Variants in RAI14 observed in about 807,000 individuals in gnomAD.
The protein encoded by RAI14 is ankycorbin.
Under a neutral mutation model 115.4 loss-of-function variants are expected in RAI14, and 45 were observed. The observed-to-expected ratio is 0.39, with a 90% CI of 0.31 to 0.50. RAI14 has a LOEUF of 0.50. Among genes scored for constraint, RAI14 ranks in the 20% least tolerant of loss-of-function variants. The pLI is 0.85. For synonymous variants in RAI14, 371 were observed against 415.4 expected (o/e 0.89, Z 1.30); for missense variants, 939 against 1,131.2 (o/e 0.83, Z 2.44).
chr5:34,700,056 G>A (rs1739852832), intron 2 of RAI14, among the ~76,000 whole-genome samples: 1 of 152,140 alleles, frequency 6.6e-6, no homozygotes, highest in Admixed American at 6.6e-5. Flanking sequence ...GAGCTGGGTG[G>A]GGCCTGGAGA....
At chr5:34,668,573 C>T (rs901029385) in intron 1 of RAI14, among the ~76,000 whole-genome samples, 4 of 152,016 alleles carry the variant, frequency 2.6e-5, no homozygotes, top group Non-Finnish European at 5.9e-5. Flanking sequence ...GCTCTCACAA[C>T]CTTCTTGGGT....
chr5:34,662,327 T>C (rs1742754686), intron 1 of RAI14, among the ~76,000 whole-genome samples: 2 of 152,342 alleles, frequency 1.3e-5, no homozygotes, highest in East Asian at 1.9e-4. Context: ...CCTTAATTCA[T>C]GGCACAAAAA....
In RAI14 at chr5:34,742,726, C is replaced by T. The variant is rs373332633; in HGVS notation, c.37-14742C>T. Among the ~76,000 whole-genome samples, 160 of 152,082 alleles carry T rather than the reference C, an allele frequency of 1.1e-3. 1 individual carries two copies. The highest frequency in any genetic ancestry group is 3.6e-3 in the African/African-American group (151 of 41,486). ...TCGCCCAGGTTGGAGTGCAGTGGTG[C>T]GATCTCGGCTCACTGCAACCTCTGC... On this transcript the variant is annotated intron_variant, in intron 2 of 17. Coordinates refer to ENST00000265109, the MANE Select transcript of RAI14 (RefSeq NM_015577.3).
intron 2 of RAI14, chr5:34,687,764 G>A (rs1182920038): frequency 6.5e-7 from 1 of 1,541,462 alleles, no homozygotes; most frequent in Non-Finnish European, 8.8e-7. Context: ...TATCATTTCA[G>A]GCGAGGTAAT....
chr5:34,699,261 A>G (rs1047826046), intron 2 of RAI14, among the ~76,000 whole-genome samples: 2 of 152,218 alleles, frequency 1.3e-5, no homozygotes, highest in African/African-American at 4.8e-5. Context: ...CAGTTTACAG[A>G]TGAGAAAACT....
chr5:34,745,860 C>T (rs1331780052), intron 2 of RAI14, among the ~76,000 whole-genome samples: 8 of 152,098 alleles, frequency 5.3e-5, no homozygotes, highest in South Asian at 2.1e-4. Context: ...CACCACTGAC[C>T]GGGCTTACTC....
At chr5:34,670,068 G>A (rs900746877) in intron 1 of RAI14, among the ~76,000 whole-genome samples, 12 of 152,208 alleles carry the variant, frequency 7.9e-5, no homozygotes, top group Non-Finnish European at 1.3e-4. Context: ...GCAGGGGTGC[G>A]TGAGGACACA....
intron 2 of RAI14, among the ~76,000 whole-genome samples, chr5:34,694,345 G>T (rs1738973595): frequency 6.6e-6 from 1 of 152,188 alleles, no homozygotes; most frequent in Admixed American, 6.5e-5. Context: ...TTTCAGTTGA[G>T]TTTCTACTTA....
chr5:34,805,212 A>G (rs144294501), intron 5 of RAI14, among the ~76,000 whole-genome samples: 160 of 152,140 alleles, frequency 1.1e-3, no homozygotes, highest in African/African-American at 3.8e-3. Flanking sequence ...CTCACTGCCA[A>G]ACCATTCAGA....
Position 34,791,101 on chromosome 5 carries a change from A to T in RAI14, c.168-4838A>T, listed in dbSNP as rs1239987726. Among the ~76,000 whole-genome samples the T allele has an allele frequency of 6.6e-6, 1 of 152,198 alleles. No homozygotes were observed. The highest frequency in any genetic ancestry group is 2.4e-5 in the African/African-American group (1 of 41,452). On this transcript the variant is annotated intron_variant, in intron 3 of 17. Coordinates refer to ENST00000265109, the MANE Select transcript of RAI14 (RefSeq NM_015577.3). The surrounding 1 kb of genome is among the most constrained non-coding windows in gnomAD (Gnocchi z 5.4). ...ATGGATGGTTGGGTTGGTAAGAAGT[A>T]TGTGAATTTTGATGGCTTTTTAATT... is the stretch of plus-strand genomic sequence containing the variant.
chr5:34,688,743 G>A (rs554144862), intron 2 of RAI14, among the ~76,000 whole-genome samples: 18 of 151,748 alleles, frequency 1.2e-4, no homozygotes, highest in East Asian at 3.9e-4. Context: ...GCACAGAACC[G>A]TACAGCTAAA....
At chr5:34,820,605 C>T (rs1756725596) in intron 13 of RAI14, among the ~76,000 whole-genome samples, 1 of 152,130 alleles carries the variant, frequency 6.6e-6, no homozygotes, top group African/African-American at 2.4e-5. Flanking sequence ...GAGCAAGACT[C>T]CATCTCAAAA....
At chr5:34,698,324 T>A (rs1739593388) in intron 2 of RAI14, among the ~76,000 whole-genome samples, 1 of 151,280 alleles carries the variant, frequency 6.6e-6, no homozygotes, top group Admixed American at 6.6e-5. Flanking sequence ...ACAAAGAAAC[T>A]TCTCAATAAA....
At chr5:34,697,805 A>G (rs960322034) in intron 2 of RAI14, among the ~76,000 whole-genome samples, 1 of 152,170 alleles carries the variant, frequency 6.6e-6, no homozygotes, top group Admixed American at 6.5e-5. Flanking sequence ...CATTATATTG[A>G]TTAGTTTAAT....
Position 34,803,454 on chromosome 5 carries a change from G to A in RAI14, c.257-258G>A, listed in dbSNP as rs189757801. Among the ~76,000 whole-genome samples, 109 of 152,302 alleles carry A rather than the reference G, an allele frequency of 7.2e-4. No homozygotes were observed. The Middle Eastern group carries it at 0.027, about 38-fold the overall frequency. ...AGGCTATACTCCCAGCAACTTGGGAGGCTGAGGTGGGAGGATCACTTTAGC... is the reference window on the plus strand; with the variant it reads ...AGGCTATACTCCCAGCAACTTGGGAAGCTGAGGTGGGAGGATCACTTTAGC... On this transcript the variant is annotated intron_variant, in intron 4 of 17. Coordinates refer to ENST00000265109, the MANE Select transcript of RAI14 (RefSeq NM_015577.3).
chr5:34,707,085 G>A (rs1163575639), intron 2 of RAI14, among the ~76,000 whole-genome samples: 5 of 152,216 alleles, frequency 3.3e-5, no homozygotes, highest in Admixed American at 1.3e-4. Context: ...AGAACCGCAG[G>A]CTATATTTAC....
At chr5:34,777,548 G>T (rs1354106057) in intron 3 of RAI14, among the ~76,000 whole-genome samples, 2 of 152,196 alleles carry the variant, frequency 1.3e-5, no homozygotes, top group African/African-American at 4.8e-5. Context: ...GGGAGACTGA[G>T]GCAGGTGGAT....
rs114082894 is a variant in RAI14 at position 34,726,681 on chromosome 5, G to A, written c.37-30787G>A. On this transcript the variant is annotated intron_variant, in intron 2 of 17. Coordinates refer to ENST00000265109, the MANE Select transcript of RAI14 (RefSeq NM_015577.3). ...TGAATCATAAGGGCAGATTTTTCCC[G>A]TGCTGTTCTCAGGATAGTGAATAAG... 5.0e-3 allele frequency among the ~76,000 whole-genome samples: 768 copies of A among 152,236 alleles called. 4 individuals carry two copies. The highest frequency in any genetic ancestry group is 0.017 in the African/African-American group (721 of 41,530).
rs1407800609 is a variant in RAI14 at position 34,827,849 on chromosome 5, T to C, written c.2799+1370T>C. ...AGACTCAGTCCCTGCCCTCAAGGAG[T>C]TTATACTCTATATAAGTTATCAGCA... On this transcript the variant is annotated intron_variant, in intron 16 of 17. Transcript: ENST00000265109. The surrounding 1 kb of genome is among the most constrained non-coding windows in gnomAD (Gnocchi z 4.2). Among the ~76,000 whole-genome samples the C allele has an allele frequency of 6.6e-6, 1 of 152,046 alleles. No individual in the cohort carries two copies. The highest frequency in any genetic ancestry group is 6.5e-5 in the Admixed American group (1 of 15,272).
Sources: gnomAD v4.1 joint callset for allele counts (sites outside exome capture counted in the v4.1 genomes callset) on GRCh38, gnomAD v4.1.1 for gene constraint, Gnocchi (gnomAD v3.1) non-coding constraint, MANE v1.5 for transcripts, NCBI Gene and HGNC (gene_info 2026-07-23, HGNC 2026-07-21) for gene names.